Variants in NSD1 observed in about 807,000 individuals in gnomAD.
The protein encoded by NSD1 is histone-lysine N-methyltransferase, H3 lysine-36 specific.
In NSD1, 26 loss-of-function variants were observed where a neutral mutation model predicts 242.7. The observed-to-expected ratio is 0.11, with a 90% CI of 0.08 to 0.15. The LOEUF is 0.15. NSD1 is among the 10% of genes least tolerant of loss of function. The probability of loss-of-function intolerance (pLI) is 1.00; values close to 1 mark genes in which losing one functional copy is unlikely to be tolerated. For missense variants in NSD1, 2,495 were observed against 3,272.8 expected, an observed-to-expected ratio of 0.76 and a Z score of 5.80; for synonymous variants, 1,106 against 1,178.1, an observed-to-expected ratio of 0.94 and a Z score of 1.25.
chr5:177,296,904 A>T lies in NSD1; in HGVS notation c.*1445A>T, dbSNP rs779916492. On this transcript the variant is annotated 3_prime_UTR_variant, in exon 23 of 23. Coordinates refer to ENST00000439151, the MANE Select transcript of NSD1 (RefSeq NM_022455.5). Reference sequence around the variant, plus strand: ...ACATGTTTACCTCTCTGCTTTGCCAACTTAGCCAGCAGGCCATCCCCGGCC... The same window carrying T: ...ACATGTTTACCTCTCTGCTTTGCCATCTTAGCCAGCAGGCCATCCCCGGCC... The T allele has an allele frequency of 6.0e-5, 14 of 233,082 alleles. No homozygotes were observed. Among genetic ancestry groups the T allele is most frequent in the Non-Finnish European group, 1.0e-4 (12 of 118,066 alleles). The allele number at this position is 233,082 out of a possible 1,614,324, so 14.4% of individuals were successfully genotyped here.
At chr5:177,203,385 G>A (rs1762643794) in intron 3 of NSD1, among the ~76,000 whole-genome samples, 3 of 151,982 alleles carry the variant, frequency 2.0e-5, no homozygotes, top group Admixed American at 2.0e-4. Flanking sequence ...AGAAATTATA[G>A]GCTAAACTGG....
intron 2 of NSD1, among the ~76,000 whole-genome samples, chr5:177,152,830 G>A (rs552246346): frequency 1.2e-4 from 18 of 150,458 alleles, no homozygotes; most frequent in African/African-American, 3.9e-4. Context: ...AATTATAGGC[G>A]TGTGCCCTCA....
rs536478404 is a variant in NSD1, at chr5:177,279,610, ATTTTTTTTTT to A, written c.5623-936_5623-927del. Reference sequence around the variant, plus strand: ...TTCACCTGGCTTATCAGCTTTGAAAATTTTTTTTTTTTTTTTTTTTTTTTTTTTGAGACGG... The same window carrying A: ...TTCACCTGGCTTATCAGCTTTGAAAATTTTTTTTTTTTTTTTTTGAGACGG... On this transcript the variant is annotated intron_variant, in intron 17 of 22. Coordinates refer to ENST00000439151, the MANE Select transcript of NSD1 (RefSeq NM_022455.5). Among the ~76,000 whole-genome samples the A allele has an allele frequency of 3.7e-4, 35 of 95,432 alleles. 1 individual carries two copies. The highest frequency in any genetic ancestry group is 0.013 in the Middle Eastern group (1 of 78). The allele number at this position is 95,432 out of a possible 152,430, so 62.6% of individuals were successfully genotyped here. A position where few individuals can be genotyped will look rare whatever the true frequency, so the allele number is the denominator to read the frequency against.
At chr5:177,226,935 T>G (rs188310822) in intron 5 of NSD1, among the ~76,000 whole-genome samples, 1 of 152,346 alleles carries the variant, frequency 6.6e-6, no homozygotes, top group East Asian at 1.9e-4. Context: ...CAATGGTTTT[T>G]TATTTTACAG....
At chr5:177,267,819 T>C (rs1581492455) in intron 15 of NSD1, 101 bp downstream of exon 15, 3 of 1,149,242 alleles carry the variant, frequency 2.6e-6, no homozygotes, top group Non-Finnish European at 2.6e-6. Flanking sequence ...ACTTAATTAC[T>C]CATGGTACTC....
At chr5:177,149,208 C>T (rs1171763639) in intron 2 of NSD1, among the ~76,000 whole-genome samples, 2 of 151,056 alleles carry the variant, frequency 1.3e-5, no homozygotes, top group Non-Finnish European at 3.0e-5. Context: ...AGTAATGTCT[C>T]ATCTCATTAT....
At position 177,134,214 on chromosome 5, in the gene NSD1, C is replaced by T. The variant is rs1756104501; in HGVS notation, c.-18+262C>T. The T allele has an allele frequency of 6.6e-6, 1 of 151,814 alleles. No homozygotes were observed. Among genetic ancestry groups the T allele is most frequent in the Non-Finnish European group, 1.5e-5 (1 of 67,910 alleles). The allele number at this position is 151,814 out of a possible 1,614,324, so 9.4% of individuals were successfully genotyped here. On this transcript the variant is annotated intron_variant, in intron 1 of 22. Transcript: ENST00000439151. This position sits in a 1 kb window ranked among gnomAD's most constrained non-coding sequence, Gnocchi z 4.2. ...GCGCGGCCCGTGCCCCGCCGGCCGCCTGCGAACACCTCGGCCTCCGCCTCC... is the reference window on the plus strand; with the variant it reads ...GCGCGGCCCGTGCCCCGCCGGCCGCTTGCGAACACCTCGGCCTCCGCCTCC...
intron 2 of NSD1, among the ~76,000 whole-genome samples, chr5:177,181,040 T>TTCTTTTTTTTTTTTTTGAGATG (rs1760624607): frequency 6.6e-6 from 1 of 151,094 alleles, no homozygotes; most frequent in South Asian, 2.1e-4. Context: ...AAAATGTGGT[T>TTCTTTTTTTTTTTTTTGAGATG]TCTTTTTTTT....
intron 2 of NSD1, among the ~76,000 whole-genome samples, chr5:177,158,237 ATTTCTTTCTTTCTTTC>A (rs1166834243): frequency 0.02 from 2,172 of 109,004 alleles, 41 homozygotes; most frequent in Admixed American, 0.023. Flanking sequence ...ATGGGTTCTA[ATTTCTTTCTTTCTTTC>A]TTTCTTTCTT....
chr5:177,158,630 A>C (rs1758406117), intron 2 of NSD1, among the ~76,000 whole-genome samples: 1 of 151,928 alleles, frequency 6.6e-6, no homozygotes, highest in African/African-American at 2.4e-5. Flanking sequence ...GAGCCACTGC[A>C]TCCGGGCGTG....
intron 2 of NSD1, among the ~76,000 whole-genome samples, chr5:177,174,088 C>T (rs1228426368): frequency 1.3e-5 from 2 of 151,828 alleles, no homozygotes; most frequent in Non-Finnish European, 2.9e-5. Context: ...TTAAAAAGGC[C>T]GGGCGCGGTG....
intron 4 of NSD1, among the ~76,000 whole-genome samples, chr5:177,205,126 T>C (rs1429523825): frequency 1.3e-5 from 2 of 152,156 alleles, no homozygotes; most frequent in Non-Finnish European, 2.9e-5. Context: ...AACTTCCGCC[T>C]CCCAGGTTTG....
intron 2 of NSD1, among the ~76,000 whole-genome samples, chr5:177,143,083 T>A (rs1756956829): frequency 6.6e-6 from 1 of 152,224 alleles, no homozygotes; most frequent in African/African-American, 2.4e-5. Flanking sequence ...TGAATGATGC[T>A]ATTACAGAGG....
intron 5 of NSD1, among the ~76,000 whole-genome samples, chr5:177,223,227 A>G (rs1174481316): frequency 6.6e-6 from 1 of 151,762 alleles, no homozygotes; most frequent in Non-Finnish European, 1.5e-5. Context: ...GATTACAGGC[A>G]TGCGCCAGCA....
intron 2 of NSD1, among the ~76,000 whole-genome samples, chr5:177,182,885 A>G (rs1760810606): frequency 6.6e-6 from 1 of 151,942 alleles, no homozygotes; most frequent in African/African-American, 2.4e-5. Flanking sequence ...TGATCCGCCC[A>G]CCTCGGCCTC....
At chr5:177,173,291 C>CAAA (rs60043429) in intron 2 of NSD1, among the ~76,000 whole-genome samples, 1 of 97,038 alleles carries the variant, frequency 1.0e-5, no homozygotes, top group Non-Finnish European at 2.1e-5. Flanking sequence ...GACTCTGTCT[C>CAAA]AAAAAAAAAA....
chr5:177,269,922 C>A lies in NSD1; in HGVS notation c.5509+115C>A. On this transcript the variant is annotated intron_variant, in intron 16 of 22. Coordinates refer to ENST00000439151, the MANE Select transcript of NSD1 (RefSeq NM_022455.5). The surrounding 1 kb of genome is among the most constrained non-coding windows in gnomAD (Gnocchi z 5.1). ...TGAAACTGCCTTTGTCCTCTCAGGG[C>A]ATTATCTGGCTGCAAATACAGTATT... The A allele has an allele frequency of 3.6e-6, 3 of 826,796 alleles. No homozygotes were observed. The highest frequency in any genetic ancestry group is 5.7e-6 in the Non-Finnish European group (3 of 527,600). The allele number at this position is 826,796 out of a possible 1,614,324, so 51.2% of individuals were successfully genotyped here. A position where few individuals can be genotyped will look rare whatever the true frequency, so the allele number is the denominator to read the frequency against.
Position 177,296,167 on chromosome 5 carries a change from A to G in NSD1, c.*708A>G. 4.2e-6 allele frequency: 1 copy of G among 240,478 alleles called. No individual in the cohort carries two copies. The allele number at this position is 240,478 out of a possible 1,614,324, so 14.9% of individuals were successfully genotyped here. A position where few individuals can be genotyped will look rare whatever the true frequency, so the allele number is the denominator to read the frequency against. ...CACAGAGGTCTCCTCTATAGATGCA[A>G]GGGTGCTGCATTGAGGCCAGCAAGG... On this transcript the variant is annotated 3_prime_UTR_variant, in exon 23 of 23. Coordinates refer to ENST00000439151, the MANE Select transcript of NSD1 (RefSeq NM_022455.5).
At chr5:177,198,588 T>A (rs1762276659) in intron 3 of NSD1, among the ~76,000 whole-genome samples, 1 of 152,180 alleles carries the variant, frequency 6.6e-6, no homozygotes, top group Non-Finnish European at 1.5e-5. Context: ...ATAAAATTAG[T>A]AAATCTACTT....
Sources: gnomAD v4.1 joint callset for allele counts (sites outside exome capture counted in the v4.1 genomes callset) on GRCh38, gnomAD v4.1.1 for gene constraint, Gnocchi (gnomAD v3.1) non-coding constraint, MANE v1.5 for transcripts, NCBI Gene and HGNC (gene_info 2026-07-23, HGNC 2026-07-21) for gene names.